CDH8: variants seen among roughly 807,000 people sequenced by gnomAD.
CDH8 encodes cadherin 8.
Under a neutral mutation model 68.1 loss-of-function variants are expected in CDH8, and 17 were observed. The observed-to-expected ratio is 0.25, with a 90% CI of 0.17 to 0.37. The LOEUF (loss-of-function observed/expected upper bound fraction) is 0.37, where lower values mean the gene tolerates loss of function less well. Among genes scored for constraint, CDH8 ranks in the 10% least tolerant of loss-of-function variants. The pLI, the probability that CDH8 is intolerant of heterozygous loss-of-function variation, is 1.00. For synonymous variants in CDH8, 372 were observed against 365.1 expected, an observed-to-expected ratio of 1.02 and a Z score of -0.21; for missense variants, 763 against 999.3, an observed-to-expected ratio of 0.76 and a Z score of 3.19.
chr16:61,709,759 A>C (rs976507249), intron 10 of CDH8, among the ~76,000 whole-genome samples: 1 of 152,132 alleles, frequency 6.6e-6, no homozygotes, highest in Non-Finnish European at 1.5e-5. Flanking sequence ...TCATATTCAA[A>C]ACCATATGCA....
At chr16:62,022,882 C>G (rs1194841430) in intron 1 of CDH8, among the ~76,000 whole-genome samples, 1 of 151,956 alleles carries the variant, frequency 6.6e-6, no homozygotes, top group Non-Finnish European at 1.5e-5. Flanking sequence ...CATTCTTTGC[C>G]TGGGCTCAGC....
chr16:61,802,175 C>G (rs1961662990), intron 7 of CDH8, among the ~76,000 whole-genome samples: 1 of 113,826 alleles, frequency 8.8e-6, no homozygotes, highest in Non-Finnish European at 1.8e-5. Context: ...CCCGAGCAGC[C>G]TAACTGGGAG....
At chr16:61,654,416 T>A (rs1330679829) in intron 11 of CDH8, among the ~76,000 whole-genome samples, 1 of 152,044 alleles carries the variant, frequency 6.6e-6, no homozygotes, top group East Asian at 1.9e-4. Context: ...AAATAGAAAA[T>A]AGCACTGAAA....
chr16:62,021,038 A>C, intron 2 of CDH8, 114 bp downstream of exon 2: 1 of 908,304 alleles, frequency 1.1e-6, no homozygotes, highest in Non-Finnish European at 1.7e-6. Flanking sequence ...CTCACTAAAC[A>C]TCTGGCTTGA....
intron 9 of CDH8, among the ~76,000 whole-genome samples, chr16:61,722,347 T>C (rs1431952487): frequency 6.6e-6 from 1 of 150,914 alleles, no homozygotes; most frequent in Non-Finnish European, 1.5e-5. Flanking sequence ...GTTTTCTTTG[T>C]TCTTTGTTCC....
intron 2 of CDH8, among the ~76,000 whole-genome samples, chr16:61,906,228 G>A (rs1019271643): frequency 3.9e-5 from 6 of 152,306 alleles, no homozygotes; most frequent in Middle Eastern, 6.8e-3. Context: ...AGTGATTGGT[G>A]TGTGCTTACA....
At position 61,781,185 on chromosome 16, in the gene CDH8, G is replaced by T. The variant is rs1019671385; in HGVS notation, c.1414+8161C>A. On this transcript the variant is annotated intron_variant, in intron 8 of 11. Transcript: ENST00000577390. ...TACTTGTGTGGGATTTCTCAAAAATGAGTCTTTTGTTTCTGGATTGTCCTG... is the reference window on the plus strand; with the variant it reads ...TACTTGTGTGGGATTTCTCAAAAATTAGTCTTTTGTTTCTGGATTGTCCTG... 2.0e-5 allele frequency among the ~76,000 whole-genome samples: 3 copies of T among 152,296 alleles called. No individual in the cohort carries two copies. In the East Asian group the frequency reaches 5.8e-4, roughly 29 times the overall value.
intron 10 of CDH8, among the ~76,000 whole-genome samples, chr16:61,701,091 T>C (rs1964420447): frequency 6.6e-6 from 1 of 152,210 alleles, no homozygotes; most frequent in Non-Finnish European, 1.5e-5. Context: ...GTTTGGGCTT[T>C]GGGTCAGAAA....
At chr16:61,854,293 C>T (rs1478892476) in intron 4 of CDH8, among the ~76,000 whole-genome samples, 1 of 152,046 alleles carries the variant, frequency 6.6e-6, no homozygotes, top group Non-Finnish European at 1.5e-5. Context: ...CAAGACCCTG[C>T]TTTCCACAGG....
At chr16:61,912,546 G>C (rs1274465494) in intron 2 of CDH8, among the ~76,000 whole-genome samples, 1 of 152,098 alleles carries the variant, frequency 6.6e-6, no homozygotes, top group Non-Finnish European at 1.5e-5. Context: ...GAAGAGAATG[G>C]ATAGACAAAT....
intron 2 of CDH8, among the ~76,000 whole-genome samples, chr16:62,013,565 C>A (rs368941809): frequency 7.2e-5 from 11 of 152,252 alleles, no homozygotes; most frequent in South Asian, 6.2e-4. Context: ...CTGTATCACA[C>A]ATATATTTTA....
At chr16:61,818,761 C>A (rs887370137) in intron 6 of CDH8, among the ~76,000 whole-genome samples, 1 of 152,092 alleles carries the variant, frequency 6.6e-6, no homozygotes, top group Non-Finnish European at 1.5e-5. Flanking sequence ...TTACAAATTT[C>A]TCATAAGAAA....
At chr16:61,878,426 A>G (rs767429944) in intron 3 of CDH8, among the ~76,000 whole-genome samples, 7 of 152,198 alleles carry the variant, frequency 4.6e-5, no homozygotes, top group Non-Finnish European at 7.4e-5. Context: ...ATTTTGTTCT[A>G]TGAGAAGGGT....
intron 3 of CDH8, among the ~76,000 whole-genome samples, chr16:61,895,641 T>G (rs541056581): frequency 6.6e-6 from 1 of 152,340 alleles, no homozygotes; most frequent in African/African-American, 2.4e-5. Flanking sequence ...CTCATCCCTT[T>G]ATTTCAGCCT....
rs949811636 is a variant in CDH8, at chr16:61,650,957, G to C, written c.*2651C>G. ...TCCTAGGCAAAGAGAATACTTAGGCGATATTTGGGCAACTAGTAGAGCAGA... is the reference window on the plus strand; with the variant it reads ...TCCTAGGCAAAGAGAATACTTAGGCCATATTTGGGCAACTAGTAGAGCAGA... On this transcript the variant is annotated 3_prime_UTR_variant, in exon 12 of 12. Transcript: ENST00000577390. The C allele has an allele frequency of 6.6e-6, 1 of 151,986 alleles. No homozygotes were observed. The highest frequency in any genetic ancestry group is 2.4e-5 in the African/African-American group (1 of 41,374). The allele number at this position is 151,986 out of a possible 1,614,324, so 9.4% of individuals were successfully genotyped here. A position where few individuals can be genotyped will look rare whatever the true frequency, so the allele number is the denominator to read the frequency against.
intron 8 of CDH8, among the ~76,000 whole-genome samples, chr16:61,767,094 T>C (rs1263127519): frequency 6.6e-6 from 1 of 151,996 alleles, no homozygotes; most frequent in Non-Finnish European, 1.5e-5. Context: ...TCTGCTATGC[T>C]GACACTACCC....
intron 8 of CDH8, among the ~76,000 whole-genome samples, chr16:61,771,120 T>C (rs958127899): frequency 6.6e-6 from 1 of 151,872 alleles, no homozygotes; most frequent in African/African-American, 2.4e-5. Context: ...TTAAAATCCA[T>C]GTCTAACCAA....
intron 3 of CDH8, among the ~76,000 whole-genome samples, chr16:61,889,856 A>C (rs542048712): frequency 6.6e-6 from 1 of 152,342 alleles, no homozygotes; most frequent in Non-Finnish European, 1.5e-5. Flanking sequence ...GAAAGAAAAC[A>C]GGATCATGGG....
chr16:61,781,105 C>T (rs529336979), intron 8 of CDH8, among the ~76,000 whole-genome samples: 47 of 152,336 alleles, frequency 3.1e-4, no homozygotes, highest in African/African-American at 1.1e-3. Flanking sequence ...AGCCTTGTCA[C>T]CCTGCAGCTA....
Sources: gnomAD v4.1 joint callset for allele counts (sites outside exome capture counted in the v4.1 genomes callset) on GRCh38, gnomAD v4.1.1 for gene constraint, MANE v1.5 for transcripts, NCBI Gene and HGNC (gene_info 2026-07-23, HGNC 2026-07-21) for gene names.